The following COL25A1 variants were observed in gnomAD, a reference collection of about 807,000 sequenced individuals.
The protein encoded by COL25A1 is collagen alpha-1(XXV) chain.
A neutral mutation model predicts 128.4 loss-of-function variants in COL25A1; 103 were observed. That is an observed-to-expected ratio of 0.80 (90% CI 0.68 to 0.94). The LOEUF (loss-of-function observed/expected upper bound fraction) is 0.94. Ranked by LOEUF, COL25A1 falls within the 40% of genes least tolerant of loss-of-function variation. COL25A1 has a pLI of 0.00. For synonymous variants in COL25A1, 279 were observed against 277.2 expected, an observed-to-expected ratio of 1.01 and a Z score of -0.06; for missense variants, 745 against 840.0, an observed-to-expected ratio of 0.89 and a Z score of 1.40.
intron 3 of COL25A1, among the ~76,000 whole-genome samples, chr4:109,151,891 T>C (rs1771536081): frequency 6.6e-6 from 1 of 152,180 alleles, no homozygotes; most frequent in South Asian, 2.1e-4. Context: ...CATAAAAAGG[T>C]ATACATTACA....
intron 8 of COL25A1, among the ~76,000 whole-genome samples, chr4:108,957,805 A>G (rs1750241822): frequency 6.6e-6 from 1 of 152,194 alleles, no homozygotes; most frequent in South Asian, 2.1e-4. Flanking sequence ...TGAGGCAGCA[A>G]GTGAATTTCT....
chr4:109,279,420 TAGA>T (rs1448883182), intron 3 of COL25A1, among the ~76,000 whole-genome samples: 2 of 152,028 alleles, frequency 1.3e-5, no homozygotes, highest in Non-Finnish European at 2.9e-5. Flanking sequence ...TTCAAAAAAT[TAGA>T]AGATTAGCCA....
intron 3 of COL25A1, among the ~76,000 whole-genome samples, chr4:109,186,444 T>G (rs1775137977): frequency 6.6e-6 from 1 of 152,234 alleles, no homozygotes; most frequent in Non-Finnish European, 1.5e-5. Flanking sequence ...AAGAGATCTC[T>G]AGCTTTAAAG....
intron 3 of COL25A1, among the ~76,000 whole-genome samples, chr4:109,086,835 C>G (rs1296582933): frequency 6.6e-6 from 1 of 152,202 alleles, no homozygotes; most frequent in African/African-American, 2.4e-5. Context: ...CCCTTACACA[C>G]CTTTACAGGA....
chr4:109,137,441 C>T (rs1769897662), intron 3 of COL25A1, among the ~76,000 whole-genome samples: 1 of 152,106 alleles, frequency 6.6e-6, no homozygotes, highest in Admixed American at 6.5e-5. Flanking sequence ...ACTTTTTAAA[C>T]ACTGTAGACG....
intron 6 of COL25A1, among the ~76,000 whole-genome samples, chr4:108,979,281 C>T (rs545921300): frequency 9.6e-4 from 146 of 152,222 alleles, no homozygotes; most frequent in African/African-American, 3.3e-3. Context: ...AGCTTTTTTC[C>T]TATGCTCTAT....
At chr4:109,033,304 G>T (rs1442836220) in intron 5 of COL25A1, among the ~76,000 whole-genome samples, 1 of 152,240 alleles carries the variant, frequency 6.6e-6, no homozygotes, top group East Asian at 1.9e-4. Flanking sequence ...ACCTGGTTGT[G>T]CCATTAGGCA....
chr4:109,273,557 A>G (rs1375941395), intron 3 of COL25A1, among the ~76,000 whole-genome samples: 1 of 152,214 alleles, frequency 6.6e-6, no homozygotes, highest in Non-Finnish European at 1.5e-5. Context: ...ATGTTCTCAT[A>G]TGATTATTAC....
rs190101062 is a variant in COL25A1 at position 108,981,601 on chromosome 4, A to C, written c.439-7042T>G. On this transcript the variant is annotated intron_variant, in intron 6 of 37. Transcript: ENST00000399132. ...ACTTTAAAATGCAGTACATGAAATAACATATCTTGGCGGTTAAGAGCTCAA... is the reference window on the plus strand; with the variant it reads ...ACTTTAAAATGCAGTACATGAAATACCATATCTTGGCGGTTAAGAGCTCAA... Among the ~76,000 whole-genome samples the C allele has an allele frequency of 1.1e-3, 163 of 152,310 alleles. 4 individuals are homozygous for C. Among genetic ancestry groups the C allele is most frequent in the Admixed American group, 0.011 (161 of 15,298 alleles).
chr4:109,173,859 T>C (rs1773817371), intron 3 of COL25A1, among the ~76,000 whole-genome samples: 1 of 152,156 alleles, frequency 6.6e-6, no homozygotes, highest in African/African-American at 2.4e-5. Flanking sequence ...TGAGAATATT[T>C]GCATTATACT....
intron 31 of COL25A1, chr4:108,834,441 G>C: frequency 2.7e-6 from 4 of 1,491,306 alleles, no homozygotes; most frequent in Non-Finnish European, 3.7e-6. Flanking sequence ...CGAATGACAA[G>C]AACAGAGATT....
At chr4:109,219,455 C>T (rs927955861) in intron 3 of COL25A1, among the ~76,000 whole-genome samples, 1 of 151,876 alleles carries the variant, frequency 6.6e-6, no homozygotes, top group Non-Finnish European at 1.5e-5. Flanking sequence ...TCAGTTTTTA[C>T]TCTTAGTCTG....
chr4:109,163,108 T>C (rs560978312), intron 3 of COL25A1, among the ~76,000 whole-genome samples: 1 of 152,236 alleles, frequency 6.6e-6, no homozygotes, highest in East Asian at 1.9e-4. Flanking sequence ...CGTTTCCCCC[T>C]CACTTCTGCT....
chr4:109,018,287 C>T (rs1292793183), intron 5 of COL25A1, among the ~76,000 whole-genome samples: 1 of 152,072 alleles, frequency 6.6e-6, no homozygotes, highest in Non-Finnish European at 1.5e-5. Flanking sequence ...TGTAATGGTG[C>T]AATCTCAGCT....
chr4:109,249,767 A>T (rs966344738), intron 3 of COL25A1, among the ~76,000 whole-genome samples: 4 of 152,206 alleles, frequency 2.6e-5, no homozygotes, highest in Non-Finnish European at 5.9e-5. Context: ...GCCAAATAAC[A>T]TTCCTACTTT....
At chr4:109,232,447 T>C (rs6845200) in intron 3 of COL25A1, among the ~76,000 whole-genome samples, 8,983 of 152,202 alleles carry the variant, frequency 0.059, 827 homozygotes, top group African/African-American at 0.2. Context: ...CTTTATAACA[T>C]ATAGAGTCAC....
chr4:109,023,120 T>G (rs146572249), intron 5 of COL25A1, among the ~76,000 whole-genome samples: 1 of 152,336 alleles, frequency 6.6e-6, no homozygotes, highest in African/African-American at 2.4e-5. Flanking sequence ...ATTCTTCTAA[T>G]CTTAGGCAAT....
intron 5 of COL25A1, among the ~76,000 whole-genome samples, chr4:109,026,747 G>A (rs1758332229): frequency 6.6e-6 from 1 of 152,172 alleles, no homozygotes; most frequent in South Asian, 2.1e-4. Flanking sequence ...AAGATGGGAG[G>A]TACTTGAAAA....
At chr4:108,896,637 T>A in intron 16 of COL25A1, 30 bp downstream of exon 16, 1 of 1,604,472 alleles carries the variant, frequency 6.2e-7, no homozygotes, top group Non-Finnish European at 8.5e-7. Context: ...TGCTCACATA[T>A]GTACCCTTTC....
Sources: allele counts gnomAD v4.1 joint callset (sites outside exome capture counted in the v4.1 genomes callset), GRCh38; gene constraint gnomAD v4.1.1; transcripts MANE v1.5; gene names NCBI Gene and HGNC (gene_info 2026-07-23, HGNC 2026-07-21).